The following C3 variants were observed in gnomAD, a reference collection of about 807,000 sequenced individuals.
C3 encodes complement C3.
C3 carries 97 observed loss-of-function variants against 207.9 expected under a neutral mutation model. That is an observed-to-expected ratio of 0.47 (90% CI 0.40 to 0.55). The LOEUF (loss-of-function observed/expected upper bound fraction) is 0.55, where lower values mean the gene tolerates loss of function less well. Ranked by LOEUF, C3 falls within the 20% of genes least tolerant of loss-of-function variation. The probability of loss-of-function intolerance (pLI) is 0.00; values close to 1 mark genes in which losing one functional copy is unlikely to be tolerated. For missense variants in C3, 1,684 were observed against 2,171.7 expected (o/e 0.78, Z 4.46); for synonymous variants, 848 against 857.6 (o/e 0.99, Z 0.20).
chr19:6,709,009 T>C (rs1279448926), intron 14 of C3, among the ~76,000 whole-genome samples: 1 of 151,444 alleles, frequency 6.6e-6, no homozygotes, highest in Non-Finnish European at 1.5e-5. Flanking sequence ...CTTATCTCCA[T>C]TTCCCCTCTG....
chr19:6,694,658 T>C, intron 23 of C3, 24 bp from the exon 24 acceptor site: 1 of 1,604,766 alleles, frequency 6.2e-7, no homozygotes, highest in Non-Finnish European at 8.5e-7. Flanking sequence ...GAAGAGGACG[T>C]TGCTCAAGCC....
Position 6,685,212 on chromosome 19 carries a change from G to A in C3, c.3811-66C>T, listed in dbSNP as rs1375324452. The A allele has an allele frequency of 2.8e-6, 4 of 1,450,292 alleles. No homozygotes were observed. In the African/African-American group the frequency reaches 5.6e-5, roughly 20 times the overall value. 89.8% of individuals were successfully genotyped at this position (1,450,292 alleles called of 1,614,324 possible). ...GGGAAAGTGGCTAGAATCCAGTGGGGGATAAAGAGGTTCAAATCAGAGCTG... is the reference window on the plus strand; with the variant it reads ...GGGAAAGTGGCTAGAATCCAGTGGGAGATAAAGAGGTTCAAATCAGAGCTG... On this transcript the variant is annotated intron_variant, in intron 29 of 40. Coordinates refer to ENST00000245907, the MANE Select transcript of C3 (RefSeq NM_000064.4).
Position 6,692,954 on chromosome 19 carries a change from C to G in C3, c.3360G>C (p.Glu1120Asp), listed in dbSNP as rs1234425128. The G allele has an allele frequency of 6.2e-7, 1 of 1,614,076 alleles. No homozygotes were observed. Among genetic ancestry groups the G allele is most frequent in the African/African-American group, 1.3e-5 (1 of 74,932 alleles). Residue 1120 changes from glutamate to aspartate, a missense_variant, in exon 26 of 41, where the codon GAG becomes GAC. By Grantham distance (45) the Glu-to-Asp change is conservative. Coordinates refer to ENST00000245907, the MANE Select transcript of C3 (RefSeq NM_000064.4). ...TTTCTTGGTGTATCACGGGCGCATC[C>G]TCCTGGAAGACCCCGTCGGGCTTCT... Reference protein sequence around the residue: ...EKQKPDGVFQEDAPVIHQEMI... With the variant: ...EKQKPDGVFQDDAPVIHQEMI...
rs1967935248 is a variant in C3 at position 6,712,257 on chromosome 19, C to T, written c.1269G>A (p.Thr423=). ...THPSQKPLSI[T]VRTKKQELSE... ...GTTCCGAGGCTGGGCCCAGACGCAC[C>T]GTGATGCTCAAGGGCTTCTGGCTGG... The change falls in exon 11 of 41, where the codon ACG becomes ACA. Residue 423 remains threonine (T), a splice_region_variant and synonymous_variant. Coordinates refer to ENST00000245907, the MANE Select transcript of C3 (RefSeq NM_000064.4). 3.1e-6 allele frequency: 5 copies of T among 1,613,646 alleles called. No homozygotes were observed. The highest frequency in any genetic ancestry group is 3.4e-6 in the Non-Finnish European group (4 of 1,179,996).
chr19:6,709,619 A>AACC, intron 14 of C3, 65 bp downstream of exon 14: 5 of 432,320 alleles, frequency 1.2e-5, no homozygotes, highest in Admixed American at 3.2e-5. Flanking sequence ...AGTCCCACCC[A>AACC]CCTCCCCCAG....
intron 28 of C3, 46 bp downstream of exon 28, chr19:6,686,700 A>T: frequency 6.3e-7 from 1 of 1,596,892 alleles, no homozygotes; most frequent in Non-Finnish European, 8.6e-7. Context: ...TCCCGCCCTG[A>T]ACTTCAGCCA....
intron 7 of C3, 83 bp downstream of exon 7, chr19:6,713,909 C>T (rs1445682907): frequency 5.5e-6 from 4 of 729,538 alleles, no homozygotes; most frequent in African/African-American, 5.0e-5. Context: ...CAGCCCCCCA[C>T]CTGACTCCAC....
At chr19:6,689,840 G>C (rs1006829532) in intron 27 of C3, among the ~76,000 whole-genome samples, 1 of 152,126 alleles carries the variant, frequency 6.6e-6, no homozygotes, top group African/African-American at 2.4e-5. Flanking sequence ...AAATTAGCCG[G>C]GTATGGTGGC....
At chr19:6,679,290 G>T in intron 37 of C3, 82 bp from the exon 38 acceptor site, 1 of 1,461,370 alleles carries the variant, frequency 6.8e-7, no homozygotes, top group Non-Finnish European at 9.6e-7. Context: ...AGCCCTGGGA[G>T]CCTACCCCCC....
rs1917765820 is a variant in C3 at position 6,678,159 on chromosome 19, T to C, written c.4843A>G (p.Lys1615Glu). The change falls in exon 40 of 41, where the codon AAG becomes GAG. Residue 1615 changes from lysine (K) to glutamate (E), a missense_variant. This residue lies in a region of C3 where 346 missense variants were observed against 380.1 expected (regional missense o/e 0.91). Coordinates refer to ENST00000245907, the MANE Select transcript of C3 (RefSeq NM_000064.4). ...WGLSSDFWGE[K>E]PNLSYIIGKD... ...CGCAGGGAAAGCACTCACTTGGGCT[T>C]CTCTCCCCAGAAATCGGAGGAGAGA... 9 of 1,614,148 alleles carry C rather than the reference T, an allele frequency of 5.6e-6. No individual in the cohort carries two copies. Among genetic ancestry groups the C allele is most frequent in the Non-Finnish European group, 7.6e-6 (9 of 1,180,018 alleles).
intron 29 of C3, among the ~76,000 whole-genome samples, chr19:6,685,378 A>C (rs1917978435): frequency 6.6e-6 from 1 of 152,176 alleles, no homozygotes; most frequent in African/African-American, 2.4e-5. Context: ...ACATGTCTAG[A>C]ATCCATCAGA....
chr19:6,707,105 G>A lies in C3; in HGVS notation c.2216C>T (p.Ala739Val), dbSNP rs1967794634. The A allele has an allele frequency of 1.2e-6, 2 of 1,612,310 alleles. No individual in the cohort carries two copies. Among genetic ancestry groups the A allele is most frequent in the Non-Finnish European group, 1.7e-6 (2 of 1,179,556 alleles). ...GGCCAGGCCCAGGTGGCTGGCCCGC[G>A]CGTGCTGCCGCCGCAGCTCTGTGAT... ...NYITELRRQH[A>V]RASHLGLARS... The change falls in exon 17 of 41, where the codon GCG becomes GTG. Residue 739 changes from alanine to valine, a missense_variant. Physicochemically the swap from Ala to Val is moderately conservative, Grantham distance 64 (BLOSUM62 0). Coordinates refer to ENST00000245907, the MANE Select transcript of C3 (RefSeq NM_000064.4).
Position 6,696,414 on chromosome 19 carries a change from G to C in C3, c.2915C>G (p.Pro972Arg). ...AATTCTGGTCTCAGACTCGGTGTCC[G>C]GGACTTGGTCACTGAGGTCTGCAGG... The part of the protein sequence containing the change: ...IPPADLSDQV[P>R]DTESETRILL... Residue 972 changes from proline to arginine, a missense_variant, in exon 23 of 41, where the codon CCG becomes CGG. Physicochemically the swap from Pro to Arg is moderately radical, Grantham distance 103. Around this residue, in one of 3 missense-constraint regions of C3, gnomAD observed 1,280 missense variants for 1,739.1 expected, o/e 0.74. Coordinates refer to ENST00000245907, the MANE Select transcript of C3 (RefSeq NM_000064.4). The C allele has an allele frequency of 1.2e-6, 2 of 1,613,548 alleles. No homozygotes were observed. The highest frequency in any genetic ancestry group is 8.5e-7 in the Non-Finnish European group (1 of 1,179,716).
chr19:6,679,549 C>T (rs1040662222), intron 36 of C3, 53 bp from the exon 37 acceptor site: 1 of 1,306,204 alleles, frequency 7.7e-7, no homozygotes, highest in African/African-American at 1.5e-5. Context: ...CCTCCAAAGA[C>T]CATGCCTGGG....
Position 6,707,103 on chromosome 19 carries a change from G to C in C3, c.2218C>G (p.Arg740Gly). 1 of 1,605,006 alleles carries C rather than the reference G, an allele frequency of 6.2e-7. No homozygotes were observed. The highest frequency in any genetic ancestry group is 1.3e-5 in the African/African-American group (1 of 74,410). Residue 740 changes from arginine (R) to glycine (G), a missense_variant, in exon 17 of 41, where the codon CGG (arginine) becomes GGG (glycine). Coordinates refer to ENST00000245907, the MANE Select transcript of C3 (RefSeq NM_000064.4). The stretch of plus-strand genomic sequence containing the variant: ...CTGGCCAGGCCCAGGTGGCTGGCCC[G>C]CGCGTGCTGCCGCCGCAGCTCTGTG... ...YITELRRQHA[R>G]ASHLGLARSN...
chr19:6,720,085 T>C (rs906475472), intron 1 of C3, among the ~76,000 whole-genome samples: 2 of 152,162 alleles, frequency 1.3e-5, no homozygotes, highest in African/African-American at 4.8e-5. Context: ...GCACCATCAA[T>C]GAACACCACA....
In C3 at chr19:6,707,146, C is replaced by T; in HGVS notation, c.2175G>A (p.Leu725=). 1 of 1,613,746 alleles carries T rather than the reference C, an allele frequency of 6.2e-7. No individual in the cohort carries two copies. The highest frequency in any genetic ancestry group is 2.2e-5 in the East Asian group (1 of 44,858). The part of the protein sequence containing the change: ...SLGEACKKVF[L]DCCNYITELR... ...GCTCTGTGATGTAGTTGCAGCAGTC[C>T]AGGAAGACCTTCTTGCACGCCTCGC... Residue 725 remains leucine, a synonymous_variant, in exon 17 of 41, where the codon CTG becomes CTA. Transcript: ENST00000245907.
chr19:6,691,886 T>C (rs1349903545), intron 26 of C3, among the ~76,000 whole-genome samples: 5 of 150,026 alleles, frequency 3.3e-5, no homozygotes, highest in Non-Finnish European at 7.4e-5. Flanking sequence ...ACTGAGGAGG[T>C]TGAGGTAGGA....
intron 19 of C3, among the ~76,000 whole-genome samples, 195 bp from the exon 20 acceptor site, chr19:6,697,989 T>TTTA (rs146892701): frequency 0.073 from 4,479 of 61,088 alleles, 92 homozygotes; most frequent in African/African-American, 0.086. Context: ...GTTACCATTA[T>TTTA]TTATTATTAT....
Sources: gnomAD v4.1 joint callset for allele counts (sites outside exome capture counted in the v4.1 genomes callset) on GRCh38, gnomAD v4.1.1 for gene constraint, gnomAD v4.1.1 regional missense constraint, MANE v1.5 for transcripts, NCBI Gene and HGNC (gene_info 2026-07-23, HGNC 2026-07-21) for gene names.